Variants in UNC5C observed in about 807,000 individuals in gnomAD.
UNC5C encodes unc-5 netrin receptor C.
A neutral mutation model predicts 99.8 loss-of-function variants in UNC5C; 47 were observed. That is an observed-to-expected ratio of 0.47 (90% CI 0.37 to 0.60). UNC5C has a LOEUF of 0.60. Ranked by LOEUF, UNC5C falls within the 20% of genes least tolerant of loss-of-function variation. The pLI, the probability that UNC5C is intolerant of heterozygous loss-of-function variation, is 0.00. For missense variants in UNC5C, 1,062 were observed against 1,165.9 expected (o/e 0.91, Z 1.30); for synonymous variants, 487 against 452.2 (o/e 1.08, Z -0.98).
chr4:95,205,580 TA>T (rs1311457157), intron 11 of UNC5C, among the ~76,000 whole-genome samples: 1 of 152,132 alleles, frequency 6.6e-6, no homozygotes, highest in Non-Finnish European at 1.5e-5. Flanking sequence ...AATTTTTTCC[TA>T]AAAAATTATC....
chr4:95,292,939 G>C (rs770890515), intron 3 of UNC5C, among the ~76,000 whole-genome samples: 50 of 152,088 alleles, frequency 3.3e-4, no homozygotes, highest in Non-Finnish European at 6.2e-4. Context: ...ATTCTGGTAT[G>C]GCAGATGGTT....
chr4:95,220,582 A>G (rs1238226207), intron 7 of UNC5C, among the ~76,000 whole-genome samples: 1 of 152,212 alleles, frequency 6.6e-6, no homozygotes, highest in African/African-American at 2.4e-5. Context: ...AATATCTGGC[A>G]TGTTTTAAAT....
intron 1 of UNC5C, among the ~76,000 whole-genome samples, chr4:95,403,114 A>C (rs992619889): frequency 2.0e-5 from 3 of 152,212 alleles, no homozygotes; most frequent in African/African-American, 7.2e-5. Flanking sequence ...TACTAAGTAG[A>C]ACAAGGAATA....
chr4:95,243,548 G>T (rs1384882421), intron 6 of UNC5C, among the ~76,000 whole-genome samples: 2 of 152,014 alleles, frequency 1.3e-5, no homozygotes, highest in South Asian at 4.1e-4. Context: ...GTAAAACAAT[G>T]CTAAACATCA....
chr4:95,547,902 T>C (rs1723115349), intron 1 of UNC5C, among the ~76,000 whole-genome samples: 1 of 152,250 alleles, frequency 6.6e-6, no homozygotes, highest in Admixed American at 6.5e-5. Flanking sequence ...CCAACCCGGC[T>C]TCGCCCAGGG....
At chr4:95,318,684 G>A (rs1742569089) in intron 2 of UNC5C, among the ~76,000 whole-genome samples, 1 of 152,120 alleles carries the variant, frequency 6.6e-6, no homozygotes, top group Non-Finnish European at 1.5e-5. Flanking sequence ...GCCATTCATT[G>A]CCTGCCATTC....
intron 3 of UNC5C, among the ~76,000 whole-genome samples, chr4:95,293,910 C>T (rs188602287): frequency 5.9e-5 from 9 of 152,254 alleles, no homozygotes; most frequent in Admixed American, 3.9e-4. Flanking sequence ...AACAGCACTT[C>T]CATTATTATC....
At chr4:95,190,609 C>G (rs1008432251) in intron 12 of UNC5C, among the ~76,000 whole-genome samples, 1 of 152,166 alleles carries the variant, frequency 6.6e-6, no homozygotes, top group Non-Finnish European at 1.5e-5. Context: ...TGAGCCACTG[C>G]GCCCAGCCCC....
intron 1 of UNC5C, among the ~76,000 whole-genome samples, chr4:95,547,395 C>A (rs545011779): frequency 6.6e-6 from 1 of 152,144 alleles, no homozygotes; most frequent in Non-Finnish European, 1.5e-5. Context: ...ACACCCCCAT[C>A]CCCACCCCCA....
At chr4:95,311,274 T>C (rs2149408129) in intron 2 of UNC5C, among the ~76,000 whole-genome samples, 1 of 152,254 alleles carries the variant, frequency 6.6e-6, no homozygotes, top group East Asian at 1.9e-4. Context: ...ATGCCTTGTG[T>C]GTCAATATTC....
chr4:95,175,218 T>TA (rs1736285898), intron 14 of UNC5C, among the ~76,000 whole-genome samples: 1 of 151,086 alleles, frequency 6.6e-6, no homozygotes, highest in Non-Finnish European at 1.5e-5. Flanking sequence ...CTGTGTCTTT[T>TA]AATTGGAGCA....
chr4:95,465,678 C>G (rs1314932927), intron 1 of UNC5C, among the ~76,000 whole-genome samples: 1 of 152,042 alleles, frequency 6.6e-6, no homozygotes, highest in Non-Finnish European at 1.5e-5. Context: ...ATTTTAGGAT[C>G]TACAGCAATT....
chr4:95,535,866 T>C (rs374215955), intron 1 of UNC5C, among the ~76,000 whole-genome samples: 1 of 151,904 alleles, frequency 6.6e-6, no homozygotes, highest in Non-Finnish European at 1.5e-5. Context: ...TTTAATTCTC[T>C]AGCAATTAAA....
intron 1 of UNC5C, among the ~76,000 whole-genome samples, chr4:95,397,980 T>C (rs1745568474): frequency 6.7e-6 from 1 of 148,694 alleles, no homozygotes; most frequent in Admixed American, 6.8e-5. Context: ...ATCTGTTGCA[T>C]AAAATTGGCA....
At chr4:95,503,386 C>A (rs1721830165) in intron 1 of UNC5C, among the ~76,000 whole-genome samples, 1 of 152,058 alleles carries the variant, frequency 6.6e-6, no homozygotes, top group East Asian at 1.9e-4. Context: ...TCTGTTATAG[C>A]AACACAAAAT....
intron 1 of UNC5C, among the ~76,000 whole-genome samples, chr4:95,499,583 G>T (rs1462136385): frequency 6.6e-6 from 1 of 152,046 alleles, no homozygotes; most frequent in East Asian, 1.9e-4. Flanking sequence ...TCAAATAATG[G>T]ATTTACTTAC....
At chr4:95,415,746 T>C (rs754119095) in intron 1 of UNC5C, among the ~76,000 whole-genome samples, 1 of 152,098 alleles carries the variant, frequency 6.6e-6, no homozygotes, top group African/African-American at 2.4e-5. Context: ...TACTCATCCA[T>C]GATGAGTAAA....
intron 1 of UNC5C, among the ~76,000 whole-genome samples, chr4:95,427,853 A>T (rs2128914): frequency 0.16 from 24,408 of 151,732 alleles, 2,257 homozygotes; most frequent in East Asian, 0.48. Flanking sequence ...GTTTCTTTAT[A>T]TTTTCCCACA....
intron 2 of UNC5C, among the ~76,000 whole-genome samples, chr4:95,331,400 T>C (rs1015950753): frequency 6.6e-6 from 1 of 152,136 alleles, no homozygotes; most frequent in African/African-American, 2.4e-5. Flanking sequence ...CCATACTGTT[T>C]TCTATAGAGG....
Sources: gnomAD v4.1 joint callset for allele counts (sites outside exome capture counted in the v4.1 genomes callset) on GRCh38, gnomAD v4.1.1 for gene constraint, MANE v1.5 for transcripts, NCBI Gene and HGNC (gene_info 2026-07-23, HGNC 2026-07-21) for gene names.